The following SMC6 variants were observed in gnomAD, a reference collection of about 807,000 sequenced individuals.
SMC6 encodes the protein structural maintenance of chromosomes protein 6.
SMC6 carries 79 observed loss-of-function variants against 142.2 expected under a neutral mutation model. The ratio of observed to expected loss-of-function variants is 0.56; its 90% confidence interval spans 0.46 to 0.67. SMC6 has a LOEUF of 0.67. Ranked by LOEUF, SMC6 falls within the 30% of genes least tolerant of loss-of-function variation. The probability of loss-of-function intolerance (pLI) is 0.00; values close to 1 mark genes in which losing one functional copy is unlikely to be tolerated. For missense variants in SMC6, 1,072 were observed against 1,284.0 expected (o/e 0.83, Z 2.52); for synonymous variants, 411 against 412.4 (o/e 1.00, Z 0.04).
chr2:17,729,592 T>C (rs1032879250), intron 7 of SMC6, among the ~76,000 whole-genome samples: 5 of 152,190 alleles, frequency 3.3e-5, no homozygotes, highest in African/African-American at 4.8e-5. Context: ...TACAGAGTAC[T>C]TATACAGTAT....
At chr2:17,694,781 A>C (rs1227753772) in intron 23 of SMC6, among the ~76,000 whole-genome samples, 1 of 151,626 alleles carries the variant, frequency 6.6e-6, no homozygotes, top group Non-Finnish European at 1.5e-5. Context: ...ATTTCATTGA[A>C]CCTTACTGAC....
intron 5 of SMC6, 42 bp downstream of exon 5, chr2:17,738,179 T>C: frequency 1.4e-6 from 2 of 1,437,734 alleles, no homozygotes; most frequent in Non-Finnish European, 1.9e-6. Context: ...ACTGTTTTCT[T>C]ACTAAAGAAT....
chr2:17,668,984 T>G (rs939713428), intron 26 of SMC6, among the ~76,000 whole-genome samples: 7 of 152,078 alleles, frequency 4.6e-5, no homozygotes, highest in Admixed American at 1.3e-4. Flanking sequence ...AGGAGCCACA[T>G]GCAAGCCTGG....
intron 25 of SMC6, among the ~76,000 whole-genome samples, chr2:17,676,864 G>A (rs1667014119): frequency 6.6e-6 from 1 of 152,118 alleles, no homozygotes; most frequent in African/African-American, 2.4e-5. Context: ...CAAGTACATA[G>A]AAATGTAATT....
intron 15 of SMC6, among the ~76,000 whole-genome samples, chr2:17,715,717 A>C (rs1363567507): frequency 6.6e-6 from 1 of 152,110 alleles, no homozygotes; most frequent in Non-Finnish European, 1.5e-5. Context: ...CCAAAATAGA[A>C]ACTAAGAAAG....
At chr2:17,715,923 G>A (rs1212878666) in intron 15 of SMC6, among the ~76,000 whole-genome samples, 163 bp downstream of exon 15, 4 of 151,650 alleles carry the variant, frequency 2.6e-5, no homozygotes, top group African/African-American at 4.8e-5. Flanking sequence ...TCTTTCTTTC[G>A]GATATTTTAT....
chr2:17,722,100 A>G (rs1423213315), intron 9 of SMC6, among the ~76,000 whole-genome samples: 1 of 151,778 alleles, frequency 6.6e-6, no homozygotes, highest in Non-Finnish European at 1.5e-5. Flanking sequence ...GCACTTTCCC[A>G]TTTTCAAAAT....
intron 14 of SMC6, 28 bp from the exon 15 acceptor site, chr2:17,716,292 CAT>C (rs1395838956): frequency 6.3e-7 from 1 of 1,585,152 alleles, no homozygotes; most frequent in Admixed American, 1.9e-5. Context: ...AAAAACAGAA[CAT>C]ATATGTGATA....
At chr2:17,691,559 G>A (rs945762668) in intron 23 of SMC6, among the ~76,000 whole-genome samples, 4 of 151,496 alleles carry the variant, frequency 2.6e-5, no homozygotes, top group East Asian at 2.0e-4. Flanking sequence ...TTGATGGGAC[G>A]TATCTCAAAA....
At chr2:17,708,355 A>C (rs1241927361) in intron 17 of SMC6, among the ~76,000 whole-genome samples, 1 of 152,138 alleles carries the variant, frequency 6.6e-6, no homozygotes, top group Non-Finnish European at 1.5e-5. Flanking sequence ...CAGCCAAACA[A>C]AAATGAACAA....
chr2:17,667,774 C>G (rs1159873542), intron 26 of SMC6, among the ~76,000 whole-genome samples: 3 of 152,140 alleles, frequency 2.0e-5, no homozygotes, highest in Non-Finnish European at 4.4e-5. Context: ...CAATTGAATC[C>G]AGGAGGCGGA....
rs1483446669 is a variant in SMC6, at chr2:17,739,442, C to T, written c.239-1116G>A. ...GGTGGATCACTTGAGGCCAGGGGTT[C>T]GAGACCAGTCTGGCCAACATAGTGA... is the stretch of plus-strand genomic sequence containing the variant. On this transcript the variant is annotated intron_variant, in intron 4 of 27. Coordinates refer to ENST00000448223, the MANE Select transcript of SMC6 (RefSeq NM_001142286.2). Among the ~76,000 whole-genome samples the T allele has an allele frequency of 3.3e-5, 5 of 151,904 alleles. No homozygotes were observed. In the South Asian group the frequency reaches 6.2e-4, roughly 19 times the overall value.
intron 18 of SMC6, among the ~76,000 whole-genome samples, chr2:17,706,512 CT>C (rs11339593): frequency 0.37 from 54,657 of 147,702 alleles, 10,968 homozygotes; most frequent in African/African-American, 0.52. Flanking sequence ...ATTTATAATT[CT>C]TTTTTTTTTT....
chr2:17,727,655 A>C (rs1051728030), intron 7 of SMC6, among the ~76,000 whole-genome samples: 1 of 152,132 alleles, frequency 6.6e-6, no homozygotes, highest in African/African-American at 2.4e-5. Flanking sequence ...AACTTTTTTC[A>C]AAAAGATTCA....
At chr2:17,701,484 T>C (rs1173694836) in intron 20 of SMC6, among the ~76,000 whole-genome samples, 1 of 152,242 alleles carries the variant, frequency 6.6e-6, no homozygotes, top group African/African-American at 2.4e-5. Flanking sequence ...CCCATTCATA[T>C]TGATACTGCT....
intron 2 of SMC6, among the ~76,000 whole-genome samples, chr2:17,752,592 G>A (rs1671101329): frequency 6.6e-6 from 1 of 152,106 alleles, no homozygotes; most frequent in Non-Finnish European, 1.5e-5. Context: ...CAAACGTTTT[G>A]TACTTGCACC....
chr2:17,745,485 T>C (rs997776090), intron 3 of SMC6, among the ~76,000 whole-genome samples: 1 of 152,212 alleles, frequency 6.6e-6, no homozygotes, highest in African/African-American at 2.4e-5. Context: ...TGTGTAGAGT[T>C]GCTAACTGTA....
intron 20 of SMC6, 106 bp downstream of exon 20, chr2:17,701,723 T>C (rs1668280224): frequency 2.9e-6 from 2 of 678,758 alleles, no homozygotes; most frequent in African/African-American, 1.9e-5. Flanking sequence ...TCATAAAGAG[T>C]AGCTTCAATT....
chr2:17,713,382 C>A (rs1668923533), intron 16 of SMC6: 1 of 442,908 alleles, frequency 2.3e-6, no homozygotes, highest in African/African-American at 2.0e-5. Context: ...CACATAAACT[C>A]ACCTACTTCC....
Sources: allele counts gnomAD v4.1 joint callset (sites outside exome capture counted in the v4.1 genomes callset), GRCh38; gene constraint gnomAD v4.1.1; transcripts MANE v1.5; gene names NCBI Gene and HGNC (gene_info 2026-07-23, HGNC 2026-07-21).